WDFY4: variants seen among roughly 807,000 people sequenced by gnomAD.
The protein encoded by WDFY4 is WDFY family member 4, also known as WD repeat- and FYVE domain-containing protein 4.
A neutral mutation model predicts 351.9 loss-of-function variants in WDFY4; 169 were observed. The ratio of observed to expected loss-of-function variants is 0.48; its 90% CI spans 0.42 to 0.55. The LOEUF is 0.55. Ranked by LOEUF, WDFY4 falls within the 20% of genes least tolerant of loss-of-function variation. WDFY4 has a pLI of 0.00. For missense variants in WDFY4, 3,803 were observed against 3,935.6 expected, an observed-to-expected ratio of 0.97 and a Z score of 0.90; for synonymous variants, 1,622 against 1,574.6, an observed-to-expected ratio of 1.03 and a Z score of -0.71.
At chr10:48,878,255 G>T (rs1423656533) in intron 43 of WDFY4, 4 of 152,428 alleles carry the variant, frequency 2.6e-5, no homozygotes, top group African/African-American at 9.7e-5. Flanking sequence ...AGGCAGGCTG[G>T]GACTGGTGCG....
intron 9 of WDFY4, among the ~76,000 whole-genome samples, chr10:48,733,517 A>G (rs1055417519): frequency 3.3e-5 from 5 of 152,202 alleles, no homozygotes; most frequent in African/African-American, 1.2e-4. Flanking sequence ...GGCAAACTGT[A>G]AAAGTGGCCA....
chr10:48,890,879 G>T (rs115424075), intron 44 of WDFY4, among the ~76,000 whole-genome samples, 152 bp downstream of exon 44: 79 of 152,286 alleles, frequency 5.2e-4, no homozygotes, highest in Middle Eastern at 3.4e-3. Context: ...GGACCTGCAG[G>T]CATAGGCCAT....
intron 42 of WDFY4, 42 bp from the exon 43 acceptor site, chr10:48,876,991 G>A (rs1228634317): frequency 6.9e-7 from 1 of 1,439,168 alleles, no homozygotes; most frequent in Admixed American, 2.9e-5. Context: ...ACCATGTCAG[G>A]TGGCTCCTGT....
Position 48,823,594 on chromosome 10 carries a change from A to C in WDFY4, c.5982+1057A>C, listed in dbSNP as rs996037449. 6.7e-6 allele frequency: 7 copies of C among 1,051,380 alleles called. No individual in the cohort carries two copies. In the Admixed American group the frequency reaches 1.9e-4, roughly 29 times the overall value. The allele number at this position is 1,051,380 out of a possible 1,614,324, so 65.1% of individuals were successfully genotyped here. A position where few individuals can be genotyped will look rare whatever the true frequency, so the allele number is the denominator to read the frequency against. Reference sequence around the variant, plus strand: ...CAAAGGCTTCTTCAGGAACAACTCCAAGAGAGGAGAAATAGCCCTTGTCAG... The same window carrying C: ...CAAAGGCTTCTTCAGGAACAACTCCCAGAGAGGAGAAATAGCCCTTGTCAG... On this transcript the variant is annotated intron_variant, in intron 35 of 61. Coordinates refer to ENST00000325239, the MANE Select transcript of WDFY4 (RefSeq NM_001394531.1).
At chr10:48,739,184 A>G (rs567272041) in intron 11 of WDFY4, among the ~76,000 whole-genome samples, 1 of 152,362 alleles carries the variant, frequency 6.6e-6, no homozygotes, top group Non-Finnish European at 1.5e-5. Context: ...ATTATGAGGA[A>G]TAACAAATAA....
chr10:48,943,281 A>G, intron 48 of WDFY4, 49 bp from the exon 49 acceptor site: 2 of 1,544,206 alleles, frequency 1.3e-6, no homozygotes, highest in Non-Finnish European at 1.7e-6. Flanking sequence ...ATGGCTTTGC[A>G]GGAGCATCAA....
rs2068232214 is a variant in WDFY4, at chr10:48,832,699, G to T, written c.6653G>T (p.Cys2218Phe). The change falls in exon 39 of 62, where the codon TGC becomes TTC. Residue 2218 changes from cysteine (C) to phenylalanine (F), a missense_variant. Physicochemically the swap from Cys to Phe is radical, Grantham distance 205. Transcript: ENST00000325239. ...MPGRQAKDPE[C>F]KTEDFVSCIE... ...GGGCGGCAGGCCAAGGACCCTGAGTGCAAGACAGAGGTGAGCCCAGACCCC... is the reference window on the plus strand; with the variant it reads ...GGGCGGCAGGCCAAGGACCCTGAGTTCAAGACAGAGGTGAGCCCAGACCCC... 2.6e-6 allele frequency: 4 copies of T among 1,546,896 alleles called. No individual in the cohort carries two copies. In the Admixed American group the frequency reaches 6.0e-5, roughly 23 times the overall value.
chr10:48,788,728 T>C, intron 21 of WDFY4, 53 bp downstream of exon 21: 5 of 1,542,182 alleles, frequency 3.2e-6, no homozygotes, highest in Non-Finnish European at 4.4e-6. Flanking sequence ...TTTCATGGTT[T>C]GCATTAGCTT....
intron 39 of WDFY4, among the ~76,000 whole-genome samples, chr10:48,866,846 T>C (rs895531547): frequency 6.6e-6 from 1 of 152,218 alleles, no homozygotes; most frequent in African/African-American, 2.4e-5. Context: ...CTGTAACCAC[T>C]ATTTCCTCTG....
chr10:48,900,139 C>T, intron 45 of WDFY4, 82 bp from the exon 46 acceptor site: 1 of 1,261,500 alleles, frequency 7.9e-7, no homozygotes, highest in Non-Finnish European at 1.1e-6. Flanking sequence ...CCCGCAATGA[C>T]CCATTTCCAG....
Position 48,807,848 on chromosome 10 carries a change from C to A in WDFY4, c.4739-11C>A. On this transcript the variant is annotated splice_polypyrimidine_tract_variant and intron_variant, in intron 27 of 61. Coordinates refer to ENST00000325239, the MANE Select transcript of WDFY4 (RefSeq NM_001394531.1). The stretch of plus-strand genomic sequence containing the variant: ...ATCCATTTTCTCTCAAATCTGAATT[C>A]TTTTTTGTAGCTGGAAGCCAAACAT... The A allele has an allele frequency of 1.3e-6, 2 of 1,551,232 alleles. No homozygotes were observed. Among genetic ancestry groups the A allele is most frequent in the South Asian group, 1.2e-5 (1 of 84,028 alleles).
rs1020476091 is a variant in WDFY4, at chr10:48,820,098, CTTTCCTGTGCGGAGCCTCAA to C, written c.5506-130_5506-111del. 3 of 961,342 alleles carry C rather than the reference CTTTCCTGTGCGGAGCCTCAA, an allele frequency of 3.1e-6. No homozygotes were observed. The African/African-American group carries it at 4.9e-5, about 16-fold the overall frequency. The allele number at this position is 961,342 out of a possible 1,614,324, so 59.6% of individuals were successfully genotyped here. ...GAGCAGCTGGATCCTGGGCAAGTTG[CTTTCCTGTGCGGAGCCTCAA>C]TTTCCGTACATGTCACTGGGCATGA... On this transcript the variant is annotated intron_variant, in intron 32 of 61. Transcript: ENST00000325239.
chr10:48,894,814 G>A (rs1836990659), intron 44 of WDFY4, among the ~76,000 whole-genome samples: 1 of 152,222 alleles, frequency 6.6e-6, no homozygotes, highest in Non-Finnish European at 1.5e-5. Context: ...CCTTGACCTG[G>A]GATGCTGCTA....
intron 32 of WDFY4, among the ~76,000 whole-genome samples, chr10:48,818,011 C>CAA (rs2067682194): frequency 6.6e-6 from 1 of 152,188 alleles, no homozygotes; most frequent in Non-Finnish European, 1.5e-5. Flanking sequence ...CCCAGCAGGT[C>CAA]AAAGCTTGGC....
intron 24 of WDFY4, among the ~76,000 whole-genome samples, chr10:48,802,162 C>G (rs2067108354): frequency 1.3e-5 from 2 of 151,824 alleles, no homozygotes; most frequent in African/African-American, 4.8e-5. Context: ...AACACTTGAG[C>G]CCAAGAATTA....
chr10:48,931,096 A>AAC (rs10598078), intron 47 of WDFY4, among the ~76,000 whole-genome samples: 2,041 of 150,336 alleles, frequency 0.014, 39 homozygotes, highest in African/African-American at 0.047. Flanking sequence ...CTCACACTCA[A>AAC]ACACACACAC....
rs559183401 is a variant in WDFY4, at chr10:48,877,154, T to C, written c.7122T>C (p.Cys2374=). The C allele has an allele frequency of 1.5e-5, 23 of 1,551,574 alleles. No homozygotes were observed. In the South Asian group the frequency reaches 2.7e-4, roughly 18 times the overall value. ...SLHSEDFLEL[C]RERQVILQEL... ...ACTCAGAAGACTTCTTGGAACTGTG[T>C]CGGGAAAGACAAGTTATTTTACAAG... The change falls in exon 43 of 62, where the codon TGT becomes TGC. Residue 2374 remains cysteine (C), a synonymous_variant. Transcript: ENST00000325239.
At chr10:48,875,720 C>T (rs2069973334) in intron 42 of WDFY4, among the ~76,000 whole-genome samples, 1 of 152,318 alleles carries the variant, frequency 6.6e-6, no homozygotes. Flanking sequence ...TGGCCAATGA[C>T]TACTTGTTAC....
chr10:48,909,038 C>T (rs1837781124), intron 47 of WDFY4, among the ~76,000 whole-genome samples: 3 of 4,422 alleles, frequency 6.8e-4, no homozygotes, highest in Admixed American at 0.013. Flanking sequence ...TGGAGATGGG[C>T]ATTTTTTTTT....
Sources: allele counts gnomAD v4.1 joint callset (sites outside exome capture counted in the v4.1 genomes callset), GRCh38; gene constraint gnomAD v4.1.1; transcripts MANE v1.5; gene names NCBI Gene and HGNC (gene_info 2026-07-23, HGNC 2026-07-21).